CACNA1S: variants seen among roughly 807,000 people sequenced by gnomAD.
The protein encoded by CACNA1S is voltage-dependent L-type calcium channel subunit alpha-1S.
A neutral mutation model predicts 207.4 loss-of-function variants in CACNA1S; 126 were observed. That is an observed-to-expected ratio of 0.61 (90% CI 0.53 to 0.70). The LOEUF is 0.70. Among genes scored for constraint, CACNA1S ranks in the 30% least tolerant of loss-of-function variants. The probability of loss-of-function intolerance (pLI) is 0.00; values close to 1 mark genes in which losing one functional copy is unlikely to be tolerated. For synonymous variants in CACNA1S, 960 were observed against 932.7 expected, an observed-to-expected ratio of 1.03 and a Z score of -0.53; for missense variants, 2,349 against 2,422.8, an observed-to-expected ratio of 0.97 and a Z score of 0.64.
At position 201,091,734 on chromosome 1, in the gene CACNA1S, G is replaced by A. The variant is rs910652534; in HGVS notation, c.600C>T (p.Ala200=). 1.9e-6 allele frequency: 3 copies of A among 1,613,990 alleles called. No individual in the cohort carries two copies. The highest frequency in any genetic ancestry group is 1.6e-4 in the Middle Eastern group (1 of 6,084). ...TGATGACCATAAAGAGGACCAGCAG[G>A]GCGATGTGAAAGAGGGGGAGCATGG... ...FKAMLPLFHI[A]LLVLFMVIIY... Residue 200 remains alanine, a synonymous_variant, in exon 5 of 44, where the codon GCC becomes GCT. Coordinates refer to ENST00000362061, the MANE Select transcript of CACNA1S (RefSeq NM_000069.3).
chr1:201,043,761 C>T (rs1002079513), intron 39 of CACNA1S, among the ~76,000 whole-genome samples: 7 of 152,182 alleles, frequency 4.6e-5, no homozygotes, highest in African/African-American at 1.7e-4. Context: ...ATATAGGGGA[C>T]ACAGGCACAC....
At chr1:201,087,490 G>C (rs906375588) in intron 7 of CACNA1S, among the ~76,000 whole-genome samples, 5 of 152,180 alleles carry the variant, frequency 3.3e-5, no homozygotes, top group Admixed American at 6.5e-5. Context: ...TCAAAACAGA[G>C]GGACGGGAGG....
At chr1:201,052,769 A>G in intron 31 of CACNA1S, 121 bp from the exon 32 acceptor site, 2 of 812,456 alleles carry the variant, frequency 2.5e-6, no homozygotes, top group Admixed American at 2.0e-5. Context: ...AATTCCCTTC[A>G]TTGCGGGCCA....
At chr1:201,095,467 A>G (rs1662390041) in intron 2 of CACNA1S, among the ~76,000 whole-genome samples, 1 of 152,180 alleles carries the variant, frequency 6.6e-6, no homozygotes, top group Non-Finnish European at 1.5e-5. Flanking sequence ...GTGAGTAGGT[A>G]TGGGAGGCAA....
At position 201,093,977 on chromosome 1, in the gene CACNA1S, G is replaced by A. The variant is rs774035496; in HGVS notation, c.303C>T (p.Ala101=). 20 of 1,614,214 alleles carry A rather than the reference G, an allele frequency of 1.2e-5. No homozygotes were observed. Among genetic ancestry groups the A allele is most frequent in the East Asian group, 4.5e-5 (2 of 44,890 alleles). The part of the protein sequence containing the change: ...YFFLIVFSIE[A]AMKIIAYGFL... ...AGCCGTAGGCAATGATCTTCATGGC[G>A]GCTTCAATCGAGAAGACAATGAGGA... Residue 101 remains alanine, a synonymous_variant, in exon 3 of 44, where the codon GCC becomes GCT. Coordinates refer to ENST00000362061, the MANE Select transcript of CACNA1S (RefSeq NM_000069.3).
intron 10 of CACNA1S, among the ~76,000 whole-genome samples, chr1:201,078,759 C>T (rs1182806868): frequency 2.6e-5 from 4 of 152,008 alleles, no homozygotes; most frequent in Non-Finnish European, 5.9e-5. Context: ...GCTCCCTGTC[C>T]GTGATTCTTT....
intron 13 of CACNA1S, 112 bp from the exon 14 acceptor site, chr1:201,074,732 C>T: frequency 1.4e-6 from 1 of 740,346 alleles, no homozygotes; most frequent in South Asian, 1.5e-5. Context: ...CCCAGAGCTA[C>T]CCATGGGAAG....
Position 201,092,487 on chromosome 1 carries a change from C to A in CACNA1S, c.399-373G>T, listed in dbSNP as rs567230075. 1.8e-4 allele frequency among the ~76,000 whole-genome samples: 28 copies of A among 152,294 alleles called. 1 individual carries two copies. The South Asian group carries it at 5.6e-3, about 30-fold the overall frequency. On this transcript the variant is annotated intron_variant, in intron 3 of 43. Coordinates refer to ENST00000362061, the MANE Select transcript of CACNA1S (RefSeq NM_000069.3). ...TCAGTGGTGACCCAGAGAAGAAACT[C>A]CACAGCAAGTTCTCCCTCTGTGCTT...
At chr1:201,079,281 T>C (rs570537372) in intron 10 of CACNA1S, among the ~76,000 whole-genome samples, 9 of 152,162 alleles carry the variant, frequency 5.9e-5, no homozygotes, top group Admixed American at 5.2e-4. Flanking sequence ...ACCTCATCCC[T>C]ACCTGGATGC....
chr1:201,062,516 T>A lies in CACNA1S; in HGVS notation c.2854-2A>T. 1 of 1,427,174 alleles carries A rather than the reference T, an allele frequency of 7.0e-7. No homozygotes were observed. The highest frequency in any genetic ancestry group is 1.1e-5 in the South Asian group (1 of 87,716). 88.4% of individuals were successfully genotyped at this position (1,427,174 alleles called of 1,614,324 possible). ...GTCGGTGCACCTGAAGAACTTCCCC[T>A]GCAGCCAGGAAGAGGGAGGGAGGGA... On this transcript the variant is annotated splice_acceptor_variant, in intron 22 of 43. Coordinates refer to ENST00000362061, the MANE Select transcript of CACNA1S (RefSeq NM_000069.3). LOFTEE classifies it high-confidence loss of function.
In CACNA1S at chr1:201,040,101, G is replaced by A. The variant is rs201064986; in HGVS notation, c.5371-19C>T. The A allele has an allele frequency of 2.0e-4, 326 of 1,613,880 alleles. 3 individuals are homozygous for A. In the African/African-American group the frequency reaches 3.7e-3, roughly 19 times the overall value. On this transcript the variant is annotated intron_variant, in intron 43 of 43. Coordinates refer to ENST00000362061, the MANE Select transcript of CACNA1S (RefSeq NM_000069.3). ...CCAGAGCCTGCAGGGAGGAGAGTAGGCTGAGTGGGGTCTTCCTGGGGAGCC... is the reference window on the plus strand; with the variant it reads ...CCAGAGCCTGCAGGGAGGAGAGTAGACTGAGTGGGGTCTTCCTGGGGAGCC...
In CACNA1S at chr1:201,043,564, T is replaced by C. The variant is rs554917482; in HGVS notation, c.4798-33A>G. The C allele has an allele frequency of 3.0e-5, 49 of 1,610,274 alleles. No individual in the cohort carries two copies. In the African/African-American group the frequency reaches 4.6e-4, roughly 15 times the overall value. On this transcript the variant is annotated intron_variant, in intron 39 of 43. Coordinates refer to ENST00000362061, the MANE Select transcript of CACNA1S (RefSeq NM_000069.3). ...CAAGGAGAAGAGCAGTGACTGGGGG[T>C]GAGGGCAGGGAGGGCATGGGGGGCT...
At chr1:201,059,425 T>C in intron 26 of CACNA1S, 126 bp from the exon 27 acceptor site, 1 of 618,924 alleles carries the variant, frequency 1.6e-6, no homozygotes, top group Non-Finnish European at 2.9e-6. Flanking sequence ...CCTGCTCACT[T>C]TGTTTTAGCT....
intron 40 of CACNA1S, among the ~76,000 whole-genome samples, chr1:201,042,508 A>G (rs1187490219): frequency 6.6e-6 from 1 of 152,214 alleles, no homozygotes; most frequent in Non-Finnish European, 1.5e-5. Context: ...CCTTCAGGGC[A>G]GGGCCCAGGG....
chr1:201,044,279 G>A, intron 39 of CACNA1S, 49 bp downstream of exon 39: 1 of 1,608,738 alleles, frequency 6.2e-7, no homozygotes, highest in South Asian at 1.1e-5. Flanking sequence ...GTGAGACACT[G>A]CCACTCATGG....
In CACNA1S at chr1:201,053,472, A is replaced by G; in HGVS notation, c.3782T>C (p.Ile1261Thr). Residue 1261 changes from isoleucine (I) to threonine (T), a missense_variant, in exon 30 of 44, where the codon ATC becomes ACC. Coordinates refer to ENST00000362061, the MANE Select transcript of CACNA1S (RefSeq NM_000069.3). This position sits in a 1 kb window ranked among gnomAD's most constrained non-coding sequence, Gnocchi z 5.1. ...TCCCTGTTGCACCTGGAAGGACTTG[A>G]TGAACGTCCACAGGAGGGTTCGCAC... ...EGVRTLLWTF[I>T]KSFQALPYVA... The G allele has an allele frequency of 6.2e-7, 1 of 1,614,088 alleles. No homozygotes were observed. The highest frequency in any genetic ancestry group is 8.5e-7 in the Non-Finnish European group (1 of 1,179,986).
chr1:201,073,952 A>G (rs1558069859), intron 14 of CACNA1S, among the ~76,000 whole-genome samples: 2 of 152,138 alleles, frequency 1.3e-5, no homozygotes, highest in East Asian at 3.9e-4. Flanking sequence ...GAGTGGAAGC[A>G]TGGTTTGCCC....
Position 201,070,379 on chromosome 1 carries a change from C to G in CACNA1S, c.2253G>C (p.Glu751Asp). Residue 751 changes from glutamate to aspartate, a missense_variant, in exon 17 of 44, where the codon GAG (glutamate) becomes GAC (aspartate). By Grantham distance (45) the Glu-to-Asp change is conservative (BLOSUM62 2). Coordinates refer to ENST00000362061, the MANE Select transcript of CACNA1S (RefSeq NM_000069.3). ...FPGDDEEDEPEIPLSPRPRPL... is the reference protein window; with the variant it reads ...FPGDDEEDEPDIPLSPRPRPL... ...GACGTGGTCGGGGGCTCAGCGGGAT[C>G]TCAGGCTCATCTTCCTCGTCATCCC... 14 of 1,614,046 alleles carry G rather than the reference C, an allele frequency of 8.7e-6. No homozygotes were observed. The highest frequency in any genetic ancestry group is 1.7e-4 in the Middle Eastern group (1 of 6,040).
chr1:201,086,414 T>C (rs1038182324), intron 7 of CACNA1S, among the ~76,000 whole-genome samples: 1 of 152,236 alleles, frequency 6.6e-6, no homozygotes, highest in Admixed American at 6.5e-5. Flanking sequence ...CATTGTTAGG[T>C]GACTTCATCT....
Sources: allele counts gnomAD v4.1 joint callset (sites outside exome capture counted in the v4.1 genomes callset), GRCh38; gene constraint gnomAD v4.1.1; non-coding constraint Gnocchi (gnomAD v3.1); transcripts MANE v1.5; gene names NCBI Gene and HGNC (gene_info 2026-07-23, HGNC 2026-07-21).